The following WASF3 variants were observed in gnomAD, a reference collection of about 807,000 sequenced individuals.
WASF3 encodes the protein WASP family member 3.
In WASF3, 11 loss-of-function variants were observed where a neutral mutation model predicts 46.6. That is an observed-to-expected ratio of 0.24 (90% CI 0.15 to 0.39). WASF3 has a LOEUF of 0.39. Ranked by LOEUF, WASF3 falls within the 10% of genes least tolerant of loss-of-function variation. The pLI is 1.00. For synonymous variants in WASF3, 242 were observed against 259.7 expected, an observed-to-expected ratio of 0.93 and a Z score of 0.65; for missense variants, 576 against 669.8, an observed-to-expected ratio of 0.86 and a Z score of 1.55.
intron 1 of WASF3, among the ~76,000 whole-genome samples, chr13:26,564,566 C>T (rs1248850434): frequency 6.6e-6 from 1 of 152,186 alleles, no homozygotes; most frequent in African/African-American, 2.4e-5. Flanking sequence ...ATAGCATCCT[C>T]TCATTGAGAG....
At chr13:26,616,359 A>G (rs191741779) in intron 2 of WASF3, among the ~76,000 whole-genome samples, 2 of 152,150 alleles carry the variant, frequency 1.3e-5, no homozygotes, top group African/African-American at 4.8e-5. Flanking sequence ...TTAATGACTA[A>G]TGCTGTTGAG....
At chr13:26,582,177 A>G (rs987006476) in intron 1 of WASF3, among the ~76,000 whole-genome samples, 4 of 152,144 alleles carry the variant, frequency 2.6e-5, no homozygotes, top group African/African-American at 9.7e-5. Context: ...TTACATACGG[A>G]TGGTTCCTGA....
At position 26,680,908 on chromosome 13, in the gene WASF3, G is replaced by A. The variant is rs780261575; in HGVS notation, c.717-146G>A. ...ATGTTGTTGCTTGGAATCTCTCACG[G>A]GGCTATACCTAGTTGATAGTAAAGC... On this transcript the variant is annotated intron_variant, in intron 7 of 9. Coordinates refer to ENST00000335327, the MANE Select transcript of WASF3 (RefSeq NM_006646.6). 9.4e-6 allele frequency: 9 copies of A among 962,234 alleles called. No individual in the cohort carries two copies. The African/African-American group carries it at 9.9e-5, about 11-fold the overall frequency. 59.6% of individuals were successfully genotyped at this position (962,234 alleles called of 1,614,324 possible). A position where few individuals can be genotyped will look rare whatever the true frequency, so the allele number is the denominator to read the frequency against.
At chr13:26,578,767 T>A (rs1261435881) in intron 1 of WASF3, among the ~76,000 whole-genome samples, 1 of 152,098 alleles carries the variant, frequency 6.6e-6, no homozygotes, top group Non-Finnish European at 1.5e-5. Flanking sequence ...GTTTCATGTA[T>A]TTTGCCTTAG....
chr13:26,600,643 G>C (rs1382323808), intron 1 of WASF3, among the ~76,000 whole-genome samples: 4 of 152,234 alleles, frequency 2.6e-5, no homozygotes, highest in Non-Finnish European at 5.9e-5. Context: ...GCTCATGGGA[G>C]CTGGGGTGTC....
chr13:26,572,353 T>TAA (rs1879664780), intron 1 of WASF3, among the ~76,000 whole-genome samples: 1 of 152,222 alleles, frequency 6.6e-6, no homozygotes, highest in Non-Finnish European at 1.5e-5. Context: ...CACATGCTCT[T>TAA]ACACTAATTC....
At chr13:26,639,454 G>C (rs753352808) in intron 2 of WASF3, among the ~76,000 whole-genome samples, 9 of 152,150 alleles carry the variant, frequency 5.9e-5, no homozygotes, top group Non-Finnish European at 1.2e-4. Context: ...AGGTTGTGTC[G>C]AGGGCTGTTC....
Position 26,655,296 on chromosome 13 carries a change from G to A in WASF3, c.134-9732G>A, listed in dbSNP as rs541051217. Reference sequence around the variant, plus strand: ...ACAGCATTTATGTTATGGAATGTCCGTTGGTCTGGATTTTCTAATGTTTCC... The same window carrying A: ...ACAGCATTTATGTTATGGAATGTCCATTGGTCTGGATTTTCTAATGTTTCC... On this transcript the variant is annotated intron_variant, in intron 3 of 9. Coordinates refer to ENST00000335327, the MANE Select transcript of WASF3 (RefSeq NM_006646.6). Among the ~76,000 whole-genome samples the A allele has an allele frequency of 4.6e-5, 7 of 152,236 alleles. No individual in the cohort carries two copies. In the South Asian group the frequency reaches 8.3e-4, roughly 18 times the overall value.
intron 1 of WASF3, among the ~76,000 whole-genome samples, chr13:26,594,760 T>C (rs893653224): frequency 6.6e-6 from 1 of 152,128 alleles, no homozygotes; most frequent in Non-Finnish European, 1.5e-5. Context: ...GTCTGCCTTC[T>C]GTCATTTCCT....
intron 1 of WASF3, chr13:26,576,878 G>A (rs1275928714): frequency 4.2e-6 from 3 of 707,536 alleles, no homozygotes; most frequent in Admixed American, 2.4e-5. Flanking sequence ...GGCTCTCTGA[G>A]CAGCACCATG....
At chr13:26,634,061 C>T (rs553340715) in intron 2 of WASF3, among the ~76,000 whole-genome samples, 91 of 151,600 alleles carry the variant, frequency 6.0e-4, no homozygotes, top group African/African-American at 1.5e-3. Context: ...CCTTCTGTCT[C>T]GATCTGTCTA....
intron 1 of WASF3, among the ~76,000 whole-genome samples, chr13:26,568,918 CT>C (rs1483673222): frequency 2.6e-5 from 4 of 152,178 alleles, no homozygotes; most frequent in African/African-American, 7.2e-5. Flanking sequence ...GCAAACCGGT[CT>C]GCTGTCTGGA....
chr13:26,649,081 T>C lies in WASF3; in HGVS notation c.133+6678T>C, dbSNP rs541121257. 5.3e-5 allele frequency among the ~76,000 whole-genome samples: 8 copies of C among 152,340 alleles called. No homozygotes were observed. In the East Asian group the frequency reaches 1.5e-3, roughly 29 times the overall value. On this transcript the variant is annotated intron_variant, in intron 3 of 9. Coordinates refer to ENST00000335327, the MANE Select transcript of WASF3 (RefSeq NM_006646.6). ...TTTCAGTTCTGGCTATCACTAAATT[T>C]ATCTGGTTTTATCATCTCTCTTCTT...
the WASF3 span, among the ~76,000 whole-genome samples, chr13:26,552,423 C>A: frequency 1.3e-5 from 2 of 152,074 alleles, no homozygotes; most frequent in African/African-American, 4.8e-5. Flanking sequence ...TAAGATATAG[C>A]CATGTTTCCA....
chr13:26,561,496 G>A (rs1212302752), intron 1 of WASF3, among the ~76,000 whole-genome samples: 3 of 152,080 alleles, frequency 2.0e-5, no homozygotes, highest in African/African-American at 7.2e-5. Context: ...AGGTGCTGAG[G>A]GGACAGTGTG....
intron 3 of WASF3, among the ~76,000 whole-genome samples, chr13:26,657,461 T>C (rs2137446513): frequency 6.6e-6 from 1 of 152,318 alleles, no homozygotes; most frequent in East Asian, 1.9e-4. Context: ...ATATATAAAC[T>C]GTGGGCCAAA....
At chr13:26,684,717 A>G (rs1012036817) in intron 9 of WASF3, among the ~76,000 whole-genome samples, 128 of 152,294 alleles carry the variant, frequency 8.4e-4, no homozygotes, top group African/African-American at 2.9e-3. Flanking sequence ...GTCCAGAGAA[A>G]AGTGTCTGTG....
chr13:26,587,522 A>T (rs928197096), intron 1 of WASF3, among the ~76,000 whole-genome samples: 1 of 152,104 alleles, frequency 6.6e-6, no homozygotes, highest in South Asian at 2.1e-4. Context: ...ATTATTTTTG[A>T]AGTATGTAGC....
At chr13:26,615,300 G>T (rs1044101913) in intron 2 of WASF3, among the ~76,000 whole-genome samples, 75 of 151,828 alleles carry the variant, frequency 4.9e-4, no homozygotes, top group African/African-American at 1.7e-3. Flanking sequence ...GTTTTTTTTG[G>T]TTTTTGTTTT....
Sources: allele counts gnomAD v4.1 joint callset (sites outside exome capture counted in the v4.1 genomes callset), GRCh38; gene constraint gnomAD v4.1.1; transcripts MANE v1.5; gene names NCBI Gene and HGNC (gene_info 2026-07-23, HGNC 2026-07-21).